Variants in STK32B observed in about 807,000 individuals in gnomAD.
STK32B encodes serine/threonine-protein kinase 32B.
Under a neutral mutation model 52.6 loss-of-function variants are expected in STK32B, and 43 were observed. The ratio of observed to expected loss-of-function variants is 0.82; its 90% CI spans 0.64 to 1.05. The LOEUF is 1.05. STK32B is among the 50% of genes least tolerant of loss of function. The probability of loss-of-function intolerance (pLI) is 0.00; values close to 1 mark genes in which losing one functional copy is unlikely to be tolerated. For synonymous variants in STK32B, 238 were observed against 204.3 expected, an observed-to-expected ratio of 1.17 and a Z score of -1.41; for missense variants, 621 against 534.6, an observed-to-expected ratio of 1.16 and a Z score of -1.59.
intron 1 of STK32B, among the ~76,000 whole-genome samples, chr4:5,135,626 A>ACAG (rs1471746798): frequency 6.6e-6 from 1 of 152,196 alleles, no homozygotes; most frequent in African/African-American, 2.4e-5. Context: ...GCCTGTGTTC[A>ACAG]GAGGCTCACA....
chr4:5,183,287 G>A (rs1241924852), intron 3 of STK32B, among the ~76,000 whole-genome samples: 1 of 152,106 alleles, frequency 6.6e-6, no homozygotes, highest in African/African-American at 2.4e-5. Flanking sequence ...AGACCAGCCT[G>A]ACCAGCATGG....
chr4:5,315,092 A>G (rs551010286), intron 3 of STK32B, among the ~76,000 whole-genome samples: 2 of 152,338 alleles, frequency 1.3e-5, no homozygotes, highest in East Asian at 3.9e-4. Flanking sequence ...AAGGACTTGT[A>G]TCTAGACTAT....
At chr4:5,193,018 G>A (rs909057105) in intron 3 of STK32B, among the ~76,000 whole-genome samples, 3 of 152,160 alleles carry the variant, frequency 2.0e-5, no homozygotes, top group Non-Finnish European at 4.4e-5. Context: ...ATGGTCCCCA[G>A]TGCCTCCCAG....
chr4:5,294,598 G>A (rs199958138), intron 3 of STK32B, among the ~76,000 whole-genome samples: 16 of 152,104 alleles, frequency 1.1e-4, no homozygotes, highest in Non-Finnish European at 1.5e-4. Flanking sequence ...GTATAGGAAC[G>A]CTTGTAATTT....
intron 1 of STK32B, among the ~76,000 whole-genome samples, chr4:5,098,714 T>C (rs1713535784): frequency 6.6e-6 from 1 of 152,228 alleles, no homozygotes; most frequent in Non-Finnish European, 1.5e-5. Context: ...TCTGCCCTCT[T>C]CCTGGTCTCC....
intron 4 of STK32B, among the ~76,000 whole-genome samples, chr4:5,356,495 T>A (rs1734176966): frequency 1.3e-5 from 2 of 152,188 alleles, no homozygotes. Flanking sequence ...GGACTACTGC[T>A]TTGCGAAGAT....
At chr4:5,292,707 G>A (rs1728962213) in intron 3 of STK32B, among the ~76,000 whole-genome samples, 1 of 151,970 alleles carries the variant, frequency 6.6e-6, no homozygotes, top group Non-Finnish European at 1.5e-5. Flanking sequence ...TGAGGACTTA[G>A]TGATAAACTT....
intron 8 of STK32B, 109 bp from the exon 9 acceptor site, chr4:5,459,994 G>C: frequency 6.7e-7 from 1 of 1,500,376 alleles, no homozygotes; most frequent in Non-Finnish European, 9.2e-7. Context: ...CATCAATAGA[G>C]CGTGAAGAGC....
At chr4:5,122,589 T>TCACC (rs751668606) in intron 1 of STK32B, among the ~76,000 whole-genome samples, 11 of 152,066 alleles carry the variant, frequency 7.2e-5, no homozygotes, top group Non-Finnish European at 1.5e-4. Flanking sequence ...ACTCACTCAT[T>TCACC]CACCCACCCA....
Position 5,494,254 on chromosome 4 carries a change from T to G in STK32B, c.1107-4691T>G, listed in dbSNP as rs867472091. Among the ~76,000 whole-genome samples the G allele has an allele frequency of 2.9e-4, 44 of 152,336 alleles. 1 individual carries two copies. In the Middle Eastern group the frequency reaches 0.014, roughly 47 times the overall value. On this transcript the variant is annotated intron_variant, in intron 11 of 11. Transcript: ENST00000282908. ...TCACTCAGGACTTGCTTTATGAATC[T>G]GGGTGCTCCTGTATTGGGTGCACAT...
chr4:5,124,522 G>C (rs1485486146), intron 1 of STK32B, among the ~76,000 whole-genome samples: 1 of 152,162 alleles, frequency 6.6e-6, no homozygotes, highest in Non-Finnish European at 1.5e-5. Context: ...GCCTGGAATA[G>C]AGCCACATCC....
intron 9 of STK32B, among the ~76,000 whole-genome samples, chr4:5,464,108 G>C (rs916919543): frequency 6.6e-6 from 1 of 152,108 alleles, no homozygotes; most frequent in Non-Finnish European, 1.5e-5. Flanking sequence ...AACAGCAGTG[G>C]GGGTGGGGGG....
chr4:5,316,638 TATATTATATATATAATATATAA>T (rs1730824173), intron 3 of STK32B, among the ~76,000 whole-genome samples: 1 of 13,248 alleles, frequency 7.5e-5, no homozygotes, highest in Non-Finnish European at 9.8e-5. Flanking sequence ...TAATATATAA[TATATTATATATATAATATATAA>T]TATATATTAT....
chr4:5,044,246 A>C, the STK32B span, among the ~76,000 whole-genome samples: 116 of 152,056 alleles, frequency 7.6e-4, 1 homozygote, highest in African/African-American at 2.7e-3. Flanking sequence ...TGATCCTTGC[A>C]TCTCCAAGAA....
chr4:5,051,773 C>T lies in STK32B; in HGVS notation c.-91C>T. Reference sequence around the variant, plus strand: ...GCGGCTACAACCCGGACTGGGCGCGCCCCCGGCATCCCGCATCTCTGCGCG... The same window carrying T: ...GCGGCTACAACCCGGACTGGGCGCGTCCCCGGCATCCCGCATCTCTGCGCG... On this transcript the variant is annotated 5_prime_UTR_variant, in exon 1 of 12. Transcript: ENST00000282908. 4.6e-6 allele frequency: 7 copies of T among 1,523,346 alleles called. No individual in the cohort carries two copies. The highest frequency in any genetic ancestry group is 5.3e-6 in the Non-Finnish European group (6 of 1,129,814). 94.4% of individuals were successfully genotyped at this position (1,523,346 alleles called of 1,614,324 possible).
At chr4:5,418,333 ATTG>A (rs1712332006) in intron 6 of STK32B, among the ~76,000 whole-genome samples, 1 of 152,142 alleles carries the variant, frequency 6.6e-6, no homozygotes, top group Admixed American at 6.5e-5. Flanking sequence ...TGTTTCAGTA[ATTG>A]TTGATGATTA....
At chr4:5,054,862 C>G (rs1437629026) in intron 1 of STK32B, among the ~76,000 whole-genome samples, 1 of 152,162 alleles carries the variant, frequency 6.6e-6, no homozygotes, top group Admixed American at 6.5e-5. Flanking sequence ...ATTCCTAAGG[C>G]AAAAGTTTAA....
intron 1 of STK32B, among the ~76,000 whole-genome samples, chr4:5,074,207 TGTG>T (rs1349609437): frequency 6.6e-6 from 1 of 151,702 alleles, no homozygotes; most frequent in Non-Finnish European, 1.5e-5. Context: ...TGTGTGTGTG[TGTG>T]CGCGTGCGTG....
At position 5,386,429 on chromosome 4, in the gene STK32B, C is replaced by G. The variant is rs112559879; in HGVS notation, c.435-11778C>G. ...ATGGTAGAAGCAGGAAAAGGTAATT[C>G]TTGATGGTCCAAGAGCACTGGCCAT... On this transcript the variant is annotated intron_variant, in intron 4 of 11. Transcript: ENST00000282908. This position sits in a 1 kb window ranked among gnomAD's most constrained non-coding sequence, Gnocchi z 4.5. Among the ~76,000 whole-genome samples the G allele has an allele frequency of 1.1e-4, 17 of 152,138 alleles. No homozygotes were observed. Among genetic ancestry groups the G allele is most frequent in the Non-Finnish European group, 1.5e-4 (10 of 68,004 alleles).
Sources: allele counts gnomAD v4.1 joint callset (sites outside exome capture counted in the v4.1 genomes callset), GRCh38; gene constraint gnomAD v4.1.1; non-coding constraint Gnocchi (gnomAD v3.1); transcripts MANE v1.5; gene names NCBI Gene and HGNC (gene_info 2026-07-23, HGNC 2026-07-21).